MARCHF11: variants seen among roughly 807,000 people sequenced by gnomAD.
MARCHF11 encodes E3 ubiquitin-protein ligase MARCHF11.
A neutral mutation model predicts 37.3 loss-of-function variants in MARCHF11; 29 were observed. The ratio of observed to expected loss-of-function variants is 0.78; its 90% CI spans 0.58 to 1.06. MARCHF11 has a LOEUF of 1.06. Ranked by LOEUF, MARCHF11 falls within the 50% of genes least tolerant of loss-of-function variation. The probability of loss-of-function intolerance (pLI) is 0.00; values close to 1 mark genes in which losing one functional copy is unlikely to be tolerated. For synonymous variants in MARCHF11, 233 were observed against 228.0 expected (o/e 1.02, Z -0.20); for missense variants, 482 against 533.4 (o/e 0.90, Z 0.95).
rs575366143 is a variant in MARCHF11, at chr5:16,179,204, G to T, written c.372C>A (p.Ala124=). ...AAKGGPGESE[A]GAGGERERRG... ...GCCGCTCGCGCTCGCCGCCCGCGCC[G>T]GCCTCAGACTCCCCGGGGCCGCCTT... Residue 124 remains alanine (A), a synonymous_variant, in exon 1 of 4, where the codon GCC becomes GCA. Transcript: ENST00000332432. 2.2e-6 allele frequency: 3 copies of T among 1,339,196 alleles called. No homozygotes were observed. Among genetic ancestry groups the T allele is most frequent in the Middle Eastern group, 2.8e-4 (1 of 3,564 alleles). The allele number at this position is 1,339,196 out of a possible 1,614,324, so 83.0% of individuals were successfully genotyped here.
chr5:16,166,654 G>C (rs1738174003), intron 2 of MARCHF11, among the ~76,000 whole-genome samples: 1 of 151,662 alleles, frequency 6.6e-6, no homozygotes, highest in African/African-American at 2.4e-5. Context: ...ATTTCTATAT[G>C]TAATCATTTA....
At chr5:16,148,110 T>G (rs1327964655) in intron 2 of MARCHF11, among the ~76,000 whole-genome samples, 1 of 152,136 alleles carries the variant, frequency 6.6e-6, no homozygotes, top group Non-Finnish European at 1.5e-5. Flanking sequence ...TTTTAAAAAA[T>G]TTAAGGAGAG....
chr5:16,161,192 C>T (rs180907452), intron 2 of MARCHF11, among the ~76,000 whole-genome samples: 100 of 106,580 alleles, frequency 9.4e-4, no homozygotes, highest in African/African-American at 3.3e-3. Context: ...CCCCTCCCCC[C>T]ACCCCAGAAA....
At chr5:16,148,472 C>A (rs1737841534) in intron 2 of MARCHF11, among the ~76,000 whole-genome samples, 1 of 152,092 alleles carries the variant, frequency 6.6e-6, no homozygotes. Context: ...CAGTATTGAT[C>A]CTTGTACAAA....
At chr5:16,111,966 G>C (rs1283730608) in intron 2 of MARCHF11, among the ~76,000 whole-genome samples, 1 of 152,208 alleles carries the variant, frequency 6.6e-6, no homozygotes, top group Non-Finnish European at 1.5e-5. Context: ...GCTTCCACAT[G>C]GCATTGAGCC....
intron 2 of MARCHF11, among the ~76,000 whole-genome samples, chr5:16,137,037 T>C (rs1737620544): frequency 6.6e-6 from 1 of 152,096 alleles, no homozygotes; most frequent in African/African-American, 2.4e-5. Context: ...AAAAATTAAA[T>C]AATAAAACAA....
intron 3 of MARCHF11, among the ~76,000 whole-genome samples, chr5:16,083,746 G>A (rs1325618891): frequency 6.6e-6 from 1 of 152,162 alleles, no homozygotes; most frequent in Non-Finnish European, 1.5e-5. Context: ...AAAGTCATGT[G>A]TATTTTGTTT....
intron 3 of MARCHF11, among the ~76,000 whole-genome samples, chr5:16,086,523 T>C (rs1736701508): frequency 6.6e-6 from 1 of 152,210 alleles, no homozygotes; most frequent in Non-Finnish European, 1.5e-5. Flanking sequence ...TGAGGGAAGA[T>C]CAAAACATTT....
At chr5:16,081,255 C>T (rs1430453339) in intron 3 of MARCHF11, among the ~76,000 whole-genome samples, 1 of 152,118 alleles carries the variant, frequency 6.6e-6, no homozygotes, top group Non-Finnish European at 1.5e-5. Flanking sequence ...TTGTTATATT[C>T]CAGGGCTCCA....
chr5:16,083,814 C>CAA (rs1736650577), intron 3 of MARCHF11, among the ~76,000 whole-genome samples: 1 of 151,998 alleles, frequency 6.6e-6, no homozygotes, highest in Non-Finnish European at 1.5e-5. Context: ...TTATGCTTTC[C>CAA]TTATTCTAGC....
chr5:16,081,234 A>G (rs1178959796), intron 3 of MARCHF11, among the ~76,000 whole-genome samples: 3 of 152,152 alleles, frequency 2.0e-5, no homozygotes, highest in Non-Finnish European at 4.4e-5. Context: ...CCTCAGGTGG[A>G]AAGTAGGGAA....
In MARCHF11 at chr5:16,161,626, C is replaced by T. The variant is rs569872908; in HGVS notation, c.693+16100G>A. Among the ~76,000 whole-genome samples, 6 of 152,104 alleles carry T rather than the reference C, an allele frequency of 3.9e-5. No homozygotes were observed. In the South Asian group the frequency reaches 1.0e-3, roughly 26 times the overall value. ...GTCAATGGCAAAGATTCAAAAAATA[C>T]TGGCTTCCCAGCATCTTACCACACT... On this transcript the variant is annotated intron_variant, in intron 2 of 3. Coordinates refer to ENST00000332432, the MANE Select transcript of MARCHF11 (RefSeq NM_001102562.3).
intron 3 of MARCHF11, among the ~76,000 whole-genome samples, chr5:16,083,794 A>G (rs1266381828): frequency 6.6e-6 from 1 of 152,172 alleles, no homozygotes; most frequent in Non-Finnish European, 1.5e-5. Flanking sequence ...CAGTAGATTT[A>G]TTTACTTAAT....
intron 3 of MARCHF11, among the ~76,000 whole-genome samples, chr5:16,075,772 GA>G (rs1321212802): frequency 3.3e-5 from 5 of 152,202 alleles, no homozygotes; most frequent in Non-Finnish European, 7.3e-5. Context: ...GATGAGATTG[GA>G]AAAGAGTTTA....
intron 3 of MARCHF11, among the ~76,000 whole-genome samples, chr5:16,079,855 C>G (rs1361132591): frequency 6.6e-6 from 1 of 152,168 alleles, no homozygotes; most frequent in East Asian, 1.9e-4. Flanking sequence ...CCCACCTCCC[C>G]TCAGGACACA....
intron 2 of MARCHF11, among the ~76,000 whole-genome samples, chr5:16,176,428 T>C (rs1249202852): frequency 1.3e-5 from 2 of 152,208 alleles, no homozygotes; most frequent in Non-Finnish European, 2.9e-5. Flanking sequence ...GATTCATAAA[T>C]TGATACCCAA....
intron 2 of MARCHF11, among the ~76,000 whole-genome samples, chr5:16,136,644 G>T (rs1737615824): frequency 6.6e-6 from 1 of 152,144 alleles, no homozygotes; most frequent in African/African-American, 2.4e-5. Flanking sequence ...AAACTTGGAG[G>T]TACACAGGAA....
intron 3 of MARCHF11, among the ~76,000 whole-genome samples, chr5:16,087,358 A>T (rs527975029): frequency 1.3e-4 from 20 of 152,196 alleles, no homozygotes; most frequent in Non-Finnish European, 2.5e-4. Context: ...TTTTCACTTT[A>T]TTCACCTCTC....
intron 3 of MARCHF11, among the ~76,000 whole-genome samples, chr5:16,076,862 C>T (rs138487213): frequency 3.3e-5 from 5 of 152,258 alleles, no homozygotes; most frequent in East Asian, 1.9e-4. Flanking sequence ...CAGTCATCAC[C>T]GGTGTCTCCT....
Sources: allele counts gnomAD v4.1 joint callset (sites outside exome capture counted in the v4.1 genomes callset), GRCh38; gene constraint gnomAD v4.1.1; transcripts MANE v1.5; gene names NCBI Gene and HGNC (gene_info 2026-07-23, HGNC 2026-07-21).